Variants in KLHL29 observed in about 807,000 individuals in gnomAD.
KLHL29 encodes the protein kelch like family member 29, also known as kelch-like protein 29.
Under a neutral mutation model 80.4 loss-of-function variants are expected in KLHL29, and 21 were observed. The observed-to-expected ratio is 0.26, with a 90% CI of 0.19 to 0.38. KLHL29 has a LOEUF of 0.38. Ranked by LOEUF, KLHL29 falls within the 10% of genes least tolerant of loss-of-function variation. The pLI is 1.00. For synonymous variants in KLHL29, 511 were observed against 526.8 expected (o/e 0.97, Z 0.41); for missense variants, 867 against 1,223.9 (o/e 0.71, Z 4.35).
intron 3 of KLHL29, among the ~76,000 whole-genome samples, chr2:23,622,667 C>T (rs1390114458): frequency 2.0e-5 from 3 of 152,210 alleles, no homozygotes; most frequent in African/African-American, 7.2e-5. Flanking sequence ...CACAGCCCAG[C>T]CTAAGGCCTG....
intron 3 of KLHL29, among the ~76,000 whole-genome samples, chr2:23,606,769 C>T (rs1010760284): frequency 6.6e-6 from 1 of 152,196 alleles, no homozygotes; most frequent in African/African-American, 2.4e-5. Context: ...GCAGAACCCA[C>T]ACTCAATGGC....
At chr2:23,606,275 G>T (rs583168) in intron 3 of KLHL29, among the ~76,000 whole-genome samples, 1 of 151,336 alleles carries the variant, frequency 6.6e-6, no homozygotes, top group Non-Finnish European at 1.5e-5. Flanking sequence ...ATTCCAGAAC[G>T]TTCCCGGGCC....
intron 3 of KLHL29, among the ~76,000 whole-genome samples, chr2:23,591,209 C>T (rs1668251132): frequency 1.3e-5 from 2 of 152,148 alleles, no homozygotes; most frequent in African/African-American, 4.8e-5. Context: ...GGAGCAACGG[C>T]CCTGAGGGAG....
At chr2:23,434,117 C>G (rs1476193542) in intron 1 of KLHL29, among the ~76,000 whole-genome samples, 1 of 151,956 alleles carries the variant, frequency 6.6e-6, no homozygotes, top group Middle Eastern at 3.4e-3. Flanking sequence ...GTCAGGAGAT[C>G]GAGACCATCT....
At chr2:23,689,692 AG>A (rs1671459359) in intron 6 of KLHL29, 1 of 152,460 alleles carries the variant, frequency 6.6e-6, no homozygotes, top group Admixed American at 6.5e-5. Flanking sequence ...CAGGGCAGAA[AG>A]GGCATGCAGA....
At chr2:23,625,437 TACA>T (rs1333951177) in intron 3 of KLHL29, among the ~76,000 whole-genome samples, 1 of 152,172 alleles carries the variant, frequency 6.6e-6, no homozygotes, top group Non-Finnish European at 1.5e-5. Flanking sequence ...CGGAGATAAA[TACA>T]ACAAGCCTTT....
intron 2 of KLHL29, among the ~76,000 whole-genome samples, chr2:23,550,013 C>G (rs918679911): frequency 6.6e-6 from 1 of 152,182 alleles, no homozygotes; most frequent in African/African-American, 2.4e-5. Context: ...TCTACCCTGG[C>G]CTACCCTGCC....
intron 11 of KLHL29, among the ~76,000 whole-genome samples, chr2:23,699,277 G>A (rs1178331889): frequency 6.6e-6 from 1 of 152,168 alleles, no homozygotes; most frequent in African/African-American, 2.4e-5. Flanking sequence ...TGCCTCCCAG[G>A]AAAGATGTGC....
At chr2:23,538,678 G>T (rs1330407746) in intron 2 of KLHL29, among the ~76,000 whole-genome samples, 1 of 152,238 alleles carries the variant, frequency 6.6e-6, no homozygotes, top group Non-Finnish European at 1.5e-5. Flanking sequence ...CTGCACATTT[G>T]TGACAGTGTA....
intron 1 of KLHL29, among the ~76,000 whole-genome samples, chr2:23,407,832 C>T (rs962843891): frequency 2.0e-5 from 3 of 151,968 alleles, no homozygotes; most frequent in South Asian, 2.1e-4. Context: ...CTTCCATTTG[C>T]GTTTAGTGAA....
chr2:23,589,885 C>T (rs1484129824), intron 3 of KLHL29, among the ~76,000 whole-genome samples: 1 of 152,222 alleles, frequency 6.6e-6, no homozygotes, highest in Non-Finnish European at 1.5e-5. Context: ...CTGCCATGTA[C>T]AGCTGTACAA....
chr2:23,702,366 A>C (rs1242793386), intron 11 of KLHL29, among the ~76,000 whole-genome samples: 1 of 152,244 alleles, frequency 6.6e-6, no homozygotes, highest in African/African-American at 2.4e-5. Context: ...CTATTTTATA[A>C]TAAAATGTCA....
intron 3 of KLHL29, among the ~76,000 whole-genome samples, chr2:23,604,316 C>T (rs1176327795): frequency 1.3e-5 from 2 of 152,182 alleles, no homozygotes; most frequent in African/African-American, 2.4e-5. Flanking sequence ...AGGATGGTCT[C>T]GATCTCCTGA....
rs145881532 is a variant in KLHL29, at chr2:23,699,107, C to T, written c.2105+2594C>T. 2.6e-5 allele frequency among the ~76,000 whole-genome samples: 4 copies of T among 152,358 alleles called. No individual in the cohort carries two copies. In the East Asian group the frequency reaches 7.7e-4, roughly 29 times the overall value. The stretch of plus-strand genomic sequence containing the variant: ...CCCCGCTGCTGCCCTTTGAGACATT[C>T]CAGCCTCGTCTCAAATCCAAGCACA... On this transcript the variant is annotated intron_variant, in intron 11 of 13. Coordinates refer to ENST00000486442, the MANE Select transcript of KLHL29 (RefSeq NM_052920.2).
intron 3 of KLHL29, among the ~76,000 whole-genome samples, chr2:23,634,314 G>A (rs72780399): frequency 0.12 from 18,507 of 152,208 alleles, 1,374 homozygotes; most frequent in Middle Eastern, 0.22. Context: ...AAAGGCCCAT[G>A]TGCACCCCGG....
intron 1 of KLHL29, among the ~76,000 whole-genome samples, chr2:23,424,031 G>A (rs1286621193): frequency 6.6e-6 from 1 of 152,174 alleles, no homozygotes; most frequent in Non-Finnish European, 1.5e-5. Context: ...CTGAGGTGCT[G>A]CCTCTTCACA....
intron 5 of KLHL29, among the ~76,000 whole-genome samples, chr2:23,683,467 A>T (rs1293443191): frequency 2.6e-5 from 4 of 152,160 alleles, no homozygotes; most frequent in Non-Finnish European, 4.4e-5. Flanking sequence ...AATGAAAGAG[A>T]GTGTGCAACC....
At chr2:23,593,830 A>G (rs1273937942) in intron 3 of KLHL29, among the ~76,000 whole-genome samples, 2 of 152,210 alleles carry the variant, frequency 1.3e-5, no homozygotes, top group Non-Finnish European at 2.9e-5. Context: ...TTTACACATA[A>G]GAGGTGGGAG....
At chr2:23,589,340 C>T (rs1240132906) in intron 3 of KLHL29, among the ~76,000 whole-genome samples, 1 of 152,216 alleles carries the variant, frequency 6.6e-6, no homozygotes, top group Non-Finnish European at 1.5e-5. Context: ...ATGGAAACTC[C>T]GAAGAAGGCA....
Sources: allele counts gnomAD v4.1 joint callset (sites outside exome capture counted in the v4.1 genomes callset), GRCh38; gene constraint gnomAD v4.1.1; transcripts MANE v1.5; gene names NCBI Gene and HGNC (gene_info 2026-07-23, HGNC 2026-07-21).